OTC: variants seen among roughly 807,000 people sequenced by gnomAD.
OTC encodes ornithine transcarbamylase, mitochondrial.
OTC carries 3 observed loss-of-function variants against 30.3 expected under a neutral mutation model. That is an observed-to-expected ratio of 0.10 (90% CI 0.05 to 0.26). The LOEUF (loss-of-function observed/expected upper bound fraction) is 0.26, where lower values mean the gene tolerates loss of function less well. Among genes scored for constraint, OTC ranks in the 10% least tolerant of loss-of-function variants. The pLI, the probability that OTC is intolerant of heterozygous loss-of-function variation, is 1.00. For missense variants in OTC, 194 were observed against 260.3 expected, an observed-to-expected ratio of 0.75 and a Z score of 1.75; for synonymous variants, 111 against 99.7, an observed-to-expected ratio of 1.11 and a Z score of -0.67.
At chrX:38,395,165 G>A (rs1489875440) in intron 4 of OTC, among the ~76,000 whole-genome samples, 2 of 110,392 alleles carry the variant, frequency 1.8e-5, no homozygotes, top group Non-Finnish European at 3.8e-5. Context: ...TAGAGACGGG[G>A]TTTCACTATG....
At chrX:38,384,870 G>A (rs1007448161) in intron 4 of OTC, among the ~76,000 whole-genome samples, 1 of 112,504 alleles carries the variant, frequency 8.9e-6, no homozygotes, top group Non-Finnish European at 1.9e-5. Flanking sequence ...AATTTCCATA[G>A]TGCCACTTAT....
At chrX:38,412,112 C>G in intron 9 of OTC, 113 bp downstream of exon 9, 1 of 716,414 alleles carries the variant, frequency 1.4e-6, no homozygotes, top group Non-Finnish European at 2.1e-6. Context: ...ATTACTTGCT[C>G]ATGTAACATC....
chrX:38,382,163 A>G, intron 4 of OTC, among the ~76,000 whole-genome samples: 1 of 111,765 alleles, frequency 8.9e-6, no homozygotes, highest in Non-Finnish European at 1.9e-5. Context: ...AAGCAGTACA[A>G]ACAATTCCAC....
In OTC at chrX:38,411,077, CTGTT is replaced by C. The variant is rs759816915; in HGVS notation, c.868-783_868-780del. On this transcript the variant is annotated intron_variant, in intron 8 of 9. Transcript: ENST00000039007. ...AATCTAATGCATAGTGCTTATAATC[CTGTT>C]TAATTCACCCCTACCTCATTACCTT... 6.7e-3 allele frequency among the ~76,000 whole-genome samples: 749 copies of C among 111,489 alleles called. 13 individuals carry two copies. The highest frequency in any genetic ancestry group is 0.024 in the African/African-American group (722 of 30,702).
intron 9 of OTC, among the ~76,000 whole-genome samples, chrX:38,413,683 T>G (rs201119077): frequency 3.9e-4 from 41 of 106,191 alleles, no homozygotes; most frequent in East Asian, 9.4e-4. Context: ...TTTTTGTTTT[T>G]TTTTGAGATA....
At chrX:38,396,759 C>T (rs867672722) in intron 4 of OTC, among the ~76,000 whole-genome samples, 3 of 110,315 alleles carry the variant, frequency 2.7e-5, no homozygotes, top group Non-Finnish European at 5.7e-5. Flanking sequence ...GGCGACAGAG[C>T]GAGACTCCGT....
chrX:38,336,979 A>C, the OTC span, among the ~76,000 whole-genome samples: 116 of 112,062 alleles, frequency 1.0e-3, no homozygotes, highest in Non-Finnish European at 1.7e-3. Flanking sequence ...TTTTATTTCC[A>C]GTTCTCTATC....
intron 4 of OTC, among the ~76,000 whole-genome samples, chrX:38,384,498 A>G (rs191653208): frequency 1.8e-5 from 2 of 112,746 alleles, no homozygotes; most frequent in East Asian, 5.5e-4. Flanking sequence ...ATGCAATTGA[A>G]TAGGAGATGT....
In OTC at chrX:38,381,403, G is replaced by A. The variant is rs768780957; in HGVS notation, c.360G>A (p.Val120=). ...CCACACAAGATATTCATTTGGGTGTGAATGAAAGTCTCACGGACACGGCCC... is the reference window on the plus strand; with the variant it reads ...CCACACAAGATATTCATTTGGGTGTAAATGAAAGTCTCACGGACACGGCCC... ...FLTTQDIHLG[V]NESLTDTARV... is the part of the protein sequence containing the mutation. Residue 120 remains valine, a synonymous_variant, in exon 4 of 10, where the codon GTG becomes GTA. Transcript: ENST00000039007. 19 of 1,198,156 alleles carry A rather than the reference G, an allele frequency of 1.6e-5. No homozygotes were observed. Among genetic ancestry groups the A allele is most frequent in the Middle Eastern group, 2.3e-4 (1 of 4,341 alleles).
chrX:38,409,091 C>G, intron 8 of OTC, 66 bp downstream of exon 8: 1 of 1,091,034 alleles, frequency 9.2e-7, no homozygotes, highest in Non-Finnish European at 1.3e-6. Flanking sequence ...CATCTAATCA[C>G]TTATTCACTT....
chrX:38,364,294 T>A (rs998945313), intron 1 of OTC, among the ~76,000 whole-genome samples: 4 of 112,092 alleles, frequency 3.6e-5, no homozygotes, highest in African/African-American at 1.3e-4. Context: ...AAGTTTTTAC[T>A]GTTAGAGGTA....
At chrX:38,361,802 C>A (rs767549569) in intron 1 of OTC, among the ~76,000 whole-genome samples, 1 of 111,540 alleles carries the variant, frequency 9.0e-6, no homozygotes, top group Non-Finnish European at 1.9e-5. Context: ...TACTATTTTT[C>A]ACTTCCCTAC....
At chrX:38,411,519 C>T (rs1256995992) in intron 8 of OTC, among the ~76,000 whole-genome samples, 6 of 110,252 alleles carry the variant, frequency 5.4e-5, no homozygotes, top group African/African-American at 1.6e-4. Flanking sequence ...TACAAAAATT[C>T]ACTGGGCATG....
intron 1 of OTC, among the ~76,000 whole-genome samples, chrX:38,361,134 T>C (rs1239932598): frequency 1.8e-5 from 2 of 111,395 alleles, no homozygotes; most frequent in Non-Finnish European, 3.8e-5. Context: ...TGAAACTCCA[T>C]TTCTACTAAA....
chrX:38,416,145 A>G (rs533905894), intron 9 of OTC, among the ~76,000 whole-genome samples: 1 of 112,252 alleles, frequency 8.9e-6, no homozygotes, highest in African/African-American at 3.2e-5. Flanking sequence ...GATGTAAGGT[A>G]TACACTAAAA....
intron 4 of OTC, among the ~76,000 whole-genome samples, chrX:38,385,490 G>A (rs1004491428): frequency 9.0e-6 from 1 of 111,304 alleles, no homozygotes; most frequent in Non-Finnish European, 1.9e-5. Context: ...CTCTGAGGAG[G>A]TGAAAGTTAA....
chrX:38,361,096 G>A (rs2068269091), intron 1 of OTC, among the ~76,000 whole-genome samples: 1 of 111,801 alleles, frequency 8.9e-6, no homozygotes, highest in African/African-American at 3.2e-5. Flanking sequence ...CTGAGGTCAG[G>A]AGTTCAAGAC....
At chrX:38,348,219 T>C (rs1332222986), upstream of OTC, among the ~76,000 whole-genome samples, 2 of 112,353 alleles carry the variant, frequency 1.8e-5, no homozygotes, top group Non-Finnish European at 3.8e-5. Flanking sequence ...GGCCTCATAT[T>C]TGTCACACAA....
At chrX:38,337,823 G>A in the OTC span, among the ~76,000 whole-genome samples, 426 of 110,982 alleles carry the variant, frequency 3.8e-3, no homozygotes, top group African/African-American at 0.013. Flanking sequence ...TATTGCTACC[G>A]TCCTCCAAGG....
Sources: allele counts gnomAD v4.1 joint callset (sites outside exome capture counted in the v4.1 genomes callset), GRCh38; gene constraint gnomAD v4.1.1; transcripts MANE v1.5; gene names NCBI Gene and HGNC (gene_info 2026-07-23, HGNC 2026-07-21).